Variants in EMCN observed in about 807,000 individuals in gnomAD.
The protein encoded by EMCN is endomucin.
A neutral mutation model predicts 38.4 loss-of-function variants in EMCN; 37 were observed. That is an observed-to-expected ratio of 0.96 (90% CI 0.74 to 1.27). The LOEUF (loss-of-function observed/expected upper bound fraction) is 1.27, where lower values mean the gene tolerates loss of function less well. Ranked by LOEUF, EMCN falls within the 50% of genes most tolerant of loss-of-function variation. The pLI, the probability that EMCN is intolerant of heterozygous loss-of-function variation, is 0.00. For missense variants in EMCN, 318 were observed against 302.8 expected, an observed-to-expected ratio of 1.05 and a Z score of -0.37; for synonymous variants, 95 against 100.8, an observed-to-expected ratio of 0.94 and a Z score of 0.35.
At chr4:100,418,228 T>C (rs900306083) in intron 8 of EMCN, among the ~76,000 whole-genome samples, 4 of 152,204 alleles carry the variant, frequency 2.6e-5, no homozygotes, top group Admixed American at 2.6e-4. Flanking sequence ...CCTGTGATGC[T>C]AATAGCCCTG....
At chr4:100,473,053 C>T (rs1193909982) in intron 3 of EMCN, among the ~76,000 whole-genome samples, 58 of 137,550 alleles carry the variant, frequency 4.2e-4, no homozygotes, top group Middle Eastern at 5.0e-3. Flanking sequence ...TTTATTCTGT[C>T]GCCCAGGCTG....
chr4:100,461,575 G>T (rs991891739), intron 4 of EMCN, among the ~76,000 whole-genome samples: 2 of 152,060 alleles, frequency 1.3e-5, no homozygotes, highest in African/African-American at 4.8e-5. Flanking sequence ...TTAATGAGAA[G>T]TTCTATCTTA....
chr4:100,408,934 AAT>A (rs1186328069), intron 11 of EMCN, among the ~76,000 whole-genome samples: 1 of 152,204 alleles, frequency 6.6e-6, no homozygotes, highest in Non-Finnish European at 1.5e-5. Flanking sequence ...GAGGTGCACA[AAT>A]TCCAAGATTC....
At chr4:100,428,399 C>T (rs924535) in intron 5 of EMCN, among the ~76,000 whole-genome samples, 19,071 of 152,080 alleles carry the variant, frequency 0.13, 2,216 homozygotes, top group East Asian at 0.56. Context: ...CCCACCTCTC[C>T]AGTGCTTGTG....
chr4:100,444,614 G>A lies in EMCN; in HGVS notation c.415+2919C>T, dbSNP rs1032544316. ...AATGTGGGGAGTGGAGTAGCTCCAC[G>A]GAACTTGGCCCTAGAGGGTAGGAAG... On this transcript the variant is annotated intron_variant, in intron 5 of 11. Transcript: ENST00000296420. 2.6e-5 allele frequency among the ~76,000 whole-genome samples: 4 copies of A among 152,104 alleles called. No individual in the cohort carries two copies. In the South Asian group the frequency reaches 6.2e-4, roughly 24 times the overall value.
intron 8 of EMCN, among the ~76,000 whole-genome samples, chr4:100,419,021 T>C (rs926879290): frequency 2.6e-5 from 4 of 152,012 alleles, no homozygotes; most frequent in Non-Finnish European, 5.9e-5. Flanking sequence ...GCGTACGAGG[T>C]TTCCCTTTTC....
intron 1 of EMCN, among the ~76,000 whole-genome samples, chr4:100,502,858 C>T (rs1208685938): frequency 6.6e-6 from 1 of 152,014 alleles, no homozygotes; most frequent in Non-Finnish European, 1.5e-5. Context: ...CTTTATTTTT[C>T]CATGTAATGA....
chr4:100,400,341 C>G (rs1484999020), intron 11 of EMCN, among the ~76,000 whole-genome samples: 1 of 145,134 alleles, frequency 6.9e-6, no homozygotes, highest in Non-Finnish European at 1.5e-5. Flanking sequence ...TTCCTCTCTT[C>G]ACCTAGGCCA....
intron 3 of EMCN, among the ~76,000 whole-genome samples, chr4:100,473,365 G>GTTTT: frequency 0.025 from 750 of 29,750 alleles, 157 homozygotes; most frequent in East Asian, 0.14. Flanking sequence ...CCCGTTTCGT[G>GTTTT]TTTTTTTGTT....
chr4:100,460,186 G>T (rs756851176), intron 4 of EMCN, among the ~76,000 whole-genome samples: 3 of 152,102 alleles, frequency 2.0e-5, no homozygotes, highest in African/African-American at 7.2e-5. Context: ...GTAATGTTGG[G>T]AATATTTTCA....
chr4:100,462,900 C>G (rs1008639582), intron 4 of EMCN, among the ~76,000 whole-genome samples: 1 of 152,088 alleles, frequency 6.6e-6, no homozygotes, highest in Non-Finnish European at 1.5e-5. Context: ...TCTGAAGTTT[C>G]TAGACAAGAG....
intron 2 of EMCN, among the ~76,000 whole-genome samples, chr4:100,478,535 A>C (rs1372674215): frequency 6.6e-6 from 1 of 152,128 alleles, no homozygotes; most frequent in Non-Finnish European, 1.5e-5. Context: ...TGACAACCAA[A>C]TTAAGAGAGA....
intron 11 of EMCN, among the ~76,000 whole-genome samples, chr4:100,400,730 G>C (rs1195734285): frequency 3.3e-5 from 5 of 152,212 alleles, no homozygotes; most frequent in African/African-American, 1.2e-4. Flanking sequence ...GCTCATGATT[G>C]ATACTGTTTC....
chr4:100,493,069 A>G (rs1415009162), intron 1 of EMCN, among the ~76,000 whole-genome samples: 3 of 152,222 alleles, frequency 2.0e-5, no homozygotes, highest in East Asian at 3.9e-4. Flanking sequence ...ACTCAATGAT[A>G]TAAAGTACAT....
intron 1 of EMCN, among the ~76,000 whole-genome samples, chr4:100,512,194 C>A (rs1212687191): frequency 6.6e-6 from 1 of 151,962 alleles, no homozygotes; most frequent in Non-Finnish European, 1.5e-5. Flanking sequence ...ACGGTGACTT[C>A]TTCTACTTTG....
intron 4 of EMCN, among the ~76,000 whole-genome samples, chr4:100,452,469 G>A (rs193146052): frequency 1.3e-5 from 2 of 152,088 alleles, no homozygotes; most frequent in East Asian, 3.9e-4. Context: ...CTTTAGTAGA[G>A]TTCTATATTG....
At chr4:100,435,038 A>G (rs1255450600) in intron 5 of EMCN, among the ~76,000 whole-genome samples, 1 of 152,160 alleles carries the variant, frequency 6.6e-6, no homozygotes, top group African/African-American at 2.4e-5. Context: ...CAATTAGGCA[A>G]GAGAAAGAAA....
intron 3 of EMCN, among the ~76,000 whole-genome samples, chr4:100,470,370 T>A (rs1244699256): frequency 1.6e-5 from 1 of 62,306 alleles, no homozygotes. Context: ...TGGCTATTAC[T>A]AAAATGTTAA....
intron 5 of EMCN, among the ~76,000 whole-genome samples, chr4:100,436,778 G>C (rs532719842): frequency 6.6e-6 from 1 of 152,262 alleles, no homozygotes; most frequent in Admixed American, 6.5e-5. Flanking sequence ...ACCAAACACT[G>C]TATGTTCTCA....
Sources: allele counts gnomAD v4.1 joint callset (sites outside exome capture counted in the v4.1 genomes callset), GRCh38; gene constraint gnomAD v4.1.1; transcripts MANE v1.5; gene names NCBI Gene and HGNC (gene_info 2026-07-23, HGNC 2026-07-21).